Variants in ARMC8 observed in about 807,000 individuals in gnomAD.
ARMC8 encodes the protein armadillo repeat-containing protein 8.
A neutral mutation model predicts 99.3 loss-of-function variants in ARMC8; 20 were observed. The observed-to-expected ratio is 0.20, with a 90% CI of 0.14 to 0.29. The LOEUF (loss-of-function observed/expected upper bound fraction) is 0.29. Ranked by LOEUF, ARMC8 falls within the 10% of genes least tolerant of loss-of-function variation. The pLI is 1.00. For missense variants in ARMC8, 569 were observed against 809.5 expected, an observed-to-expected ratio of 0.70 and a Z score of 3.60; for synonymous variants, 263 against 278.3, an observed-to-expected ratio of 0.95 and a Z score of 0.55.
chr3:138,282,507 G>A (rs749320294), intron 18 of ARMC8, among the ~76,000 whole-genome samples: 5 of 152,024 alleles, frequency 3.3e-5, no homozygotes, highest in Non-Finnish European at 4.4e-5. Context: ...TTAGCTGGGC[G>A]TGTGGCACAC....
chr3:138,219,744 G>A (rs1419414479), intron 2 of ARMC8, among the ~76,000 whole-genome samples: 1 of 152,124 alleles, frequency 6.6e-6, no homozygotes, highest in African/African-American at 2.4e-5. Context: ...TTTTTCTTTA[G>A]ACATTGTTCC....
chr3:138,249,163 G>T (rs1017504202), intron 12 of ARMC8, among the ~76,000 whole-genome samples: 1 of 152,094 alleles, frequency 6.6e-6, no homozygotes, highest in Non-Finnish European at 1.5e-5. Context: ...GAGCAATATT[G>T]CATTATTAAG....
intron 1 of ARMC8, among the ~76,000 whole-genome samples, chr3:138,194,187 C>T (rs1433811671): frequency 6.6e-6 from 1 of 151,230 alleles, no homozygotes; most frequent in African/African-American, 2.4e-5. Flanking sequence ...GGACTACAGG[C>T]ACCCACTGCC....
chr3:138,257,940 A>T (rs2047488603), intron 12 of ARMC8, among the ~76,000 whole-genome samples: 1 of 152,170 alleles, frequency 6.6e-6, no homozygotes, highest in Non-Finnish European at 1.5e-5. Flanking sequence ...ATCCACTTAG[A>T]TATTAAATGA....
chr3:138,281,442 G>A (rs531540050), intron 18 of ARMC8, among the ~76,000 whole-genome samples: 15 of 151,994 alleles, frequency 9.9e-5, no homozygotes, highest in Non-Finnish European at 1.9e-4. Flanking sequence ...ACAGGCATGC[G>A]CCACCACACC....
In ARMC8 at chr3:138,187,617, G is replaced by C; in HGVS notation, c.45+18G>C. Reference sequence around the variant, plus strand: ...TCCTTTCGGTGAGTGACCCGCCGCGGCCGCCCGCCCGCCCTCCAGGAAGCC... The same window carrying C: ...TCCTTTCGGTGAGTGACCCGCCGCGCCCGCCCGCCCGCCCTCCAGGAAGCC... On this transcript the variant is annotated intron_variant, in intron 1 of 21. Coordinates refer to ENST00000469044, the MANE Select transcript of ARMC8 (RefSeq NM_001363941.2). The C allele has an allele frequency of 6.5e-7, 1 of 1,535,334 alleles. No homozygotes were observed. The highest frequency in any genetic ancestry group is 8.7e-7 in the Non-Finnish European group (1 of 1,146,360).
At chr3:138,294,173 A>AAGTAC (rs1382115088) in intron 21 of ARMC8, among the ~76,000 whole-genome samples, 3 of 152,230 alleles carry the variant, frequency 2.0e-5, no homozygotes, top group Non-Finnish European at 4.4e-5. Flanking sequence ...ACCCTCAGTT[A>AAGTAC]AGTACAGTAA....
chr3:138,212,471 G>A (rs895685962), intron 2 of ARMC8, among the ~76,000 whole-genome samples: 3 of 151,808 alleles, frequency 2.0e-5, no homozygotes, highest in Non-Finnish European at 2.9e-5. Context: ...CACCATGCTC[G>A]GCTAATTTTG....
At chr3:138,272,865 C>CT (rs2048925054) in intron 16 of ARMC8, 102 bp from the exon 17 acceptor site, 1 of 1,090,170 alleles carries the variant, frequency 9.2e-7, no homozygotes, top group Non-Finnish European at 1.2e-6. Flanking sequence ...GAGCAAGACT[C>CT]TGTCTCAAAA....
intron 5 of ARMC8, among the ~76,000 whole-genome samples, chr3:138,228,456 C>T (rs754054395): frequency 6.6e-6 from 1 of 152,176 alleles, no homozygotes; most frequent in Admixed American, 6.6e-5. Context: ...TTGAAAATAG[C>T]TAACTACAGT....
At chr3:138,294,761 A>ATG (rs2108404677) in intron 21 of ARMC8, among the ~76,000 whole-genome samples, 1 of 152,260 alleles carries the variant, frequency 6.6e-6, no homozygotes, top group Non-Finnish European at 1.5e-5. Context: ...AAACTTTACC[A>ATG]TGTTTGTGAT....
rs201763796 is a variant in ARMC8, at chr3:138,237,507, A to G, written c.711A>G (p.Pro237=). The G allele has an allele frequency of 1.9e-6, 3 of 1,613,810 alleles. No homozygotes were observed. The highest frequency in any genetic ancestry group is 2.2e-5 in the East Asian group (1 of 44,864). ...VNVLVDGELL[P]QIFVKMLQRD... Reference sequence around the variant, plus strand: ...TTTTGGTTGATGGAGAATTGTTACCACAGATTTTTGTGAAGATGTTACAGA... The same window carrying G: ...TTTTGGTTGATGGAGAATTGTTACCGCAGATTTTTGTGAAGATGTTACAGA... Residue 237 remains proline (P), a synonymous_variant, in exon 9 of 22, where the codon CCA becomes CCG. Transcript: ENST00000469044.
chr3:138,246,806 T>G (rs1328300647), intron 12 of ARMC8: 4 of 980,214 alleles, frequency 4.1e-6, no homozygotes, highest in Non-Finnish European at 4.8e-6. Context: ...ATTCATAATG[T>G]GTATAATTTC....
At chr3:138,264,567 G>T (rs570486740) in intron 14 of ARMC8, among the ~76,000 whole-genome samples, 1 of 151,702 alleles carries the variant, frequency 6.6e-6, no homozygotes, top group South Asian at 2.1e-4. Flanking sequence ...CTACAGGTGC[G>T]CACCACCACG....
rs80104393 is a variant in ARMC8 at position 138,226,083 on chromosome 3, C to T, written c.435+2350C>T. 5.8e-4 allele frequency among the ~76,000 whole-genome samples: 89 copies of T among 152,286 alleles called. 4 individuals are homozygous for T. In the East Asian group the frequency reaches 0.014, roughly 23 times the overall value. On this transcript the variant is annotated intron_variant, in intron 5 of 21. Transcript: ENST00000469044. ...TCTCGACTCACTGCAACCTCCACCTCCCAGGTTTAAGCAATTCTCCTGCCT... is the reference window on the plus strand; with the variant it reads ...TCTCGACTCACTGCAACCTCCACCTTCCAGGTTTAAGCAATTCTCCTGCCT...
intron 16 of ARMC8, 69 bp from the exon 17 acceptor site, chr3:138,272,898 T>G: frequency 8.0e-7 from 1 of 1,254,748 alleles, no homozygotes; most frequent in Non-Finnish European, 1.0e-6. Context: ...ATTACCAGAG[T>G]TACTATTAAA....
intron 21 of ARMC8, among the ~76,000 whole-genome samples, chr3:138,291,075 C>T (rs1252230854): frequency 1.3e-5 from 2 of 152,248 alleles, no homozygotes; most frequent in African/African-American, 2.4e-5. Context: ...CCTCAAAGAG[C>T]TCATCATTTC....
At chr3:138,284,392 C>A (rs1175646144) in intron 18 of ARMC8, 39 bp from the exon 19 acceptor site, 1 of 1,526,830 alleles carries the variant, frequency 6.5e-7, no homozygotes, top group African/African-American at 1.4e-5. Flanking sequence ...TCTGGGACTT[C>A]AGAGCTTTCC....
At position 138,199,374 on chromosome 3, in the gene ARMC8, T is replaced by C. The variant is rs143832548; in HGVS notation, c.46-10443T>C. Among the ~76,000 whole-genome samples, 765 of 152,322 alleles carry C rather than the reference T, an allele frequency of 5.0e-3. 5 individuals are homozygous for C. Among genetic ancestry groups the C allele is most frequent in the African/African-American group, 0.018 (735 of 41,574 alleles). On this transcript the variant is annotated intron_variant, in intron 1 of 21. Transcript: ENST00000469044. ...TATTTGGGAATTTTCTTCTGATTTT[T>C]TTCTCCTTTTGGAGAAAATTGGAAT...
Sources: gnomAD v4.1 joint callset for allele counts (sites outside exome capture counted in the v4.1 genomes callset) on GRCh38, gnomAD v4.1.1 for gene constraint, MANE v1.5 for transcripts, NCBI Gene and HGNC (gene_info 2026-07-23, HGNC 2026-07-21) for gene names.